Variants in UBR2 observed in about 807,000 individuals in gnomAD.
The protein encoded by UBR2 is ubiquitin protein ligase E3 component n-recognin 2.
UBR2 carries 92 observed loss-of-function variants against 247.9 expected under a neutral mutation model. That is an observed-to-expected ratio of 0.37 (90% CI 0.31 to 0.44). The LOEUF (loss-of-function observed/expected upper bound fraction) is 0.44, where lower values mean the gene tolerates loss of function less well. UBR2 is among the 20% of genes least tolerant of loss of function. The probability of loss-of-function intolerance (pLI) is 1.00; values close to 1 mark genes in which losing one functional copy is unlikely to be tolerated. For missense variants in UBR2, 1,613 were observed against 2,112.6 expected (o/e 0.76, Z 4.64); for synonymous variants, 672 against 693.5 (o/e 0.97, Z 0.49).
intron 36 of UBR2, among the ~76,000 whole-genome samples, chr6:42,671,313 G>A (rs989302266): frequency 1.3e-5 from 2 of 151,846 alleles, no homozygotes; most frequent in Non-Finnish European, 2.9e-5. Context: ...AAGAGGCTGA[G>A]TTGGGAAGAT....
intron 16 of UBR2, among the ~76,000 whole-genome samples, chr6:42,641,266 C>T (rs184355158): frequency 8.3e-4 from 127 of 152,140 alleles, no homozygotes; most frequent in Non-Finnish European, 7.9e-4. Flanking sequence ...GAGTTCAAGA[C>T]CAACCTAGCC....
chr6:42,607,721 T>TG (rs1156885754), intron 7 of UBR2, among the ~76,000 whole-genome samples: 2 of 135,884 alleles, frequency 1.5e-5, no homozygotes, highest in African/African-American at 5.7e-5. Flanking sequence ...TGTTTTTTTT[T>TG]TTTTTTTTTT....
chr6:42,579,958 A>G (rs1378433770), intron 2 of UBR2, among the ~76,000 whole-genome samples: 1 of 152,070 alleles, frequency 6.6e-6, no homozygotes, highest in Non-Finnish European at 1.5e-5. Flanking sequence ...AATCTACCTC[A>G]TTCTTTATAA....
chr6:42,670,720 G>A lies in UBR2; in HGVS notation c.4086+5G>A. The A allele has an allele frequency of 2.5e-6, 4 of 1,607,384 alleles. No individual in the cohort carries two copies. Among genetic ancestry groups the A allele is most frequent in the Non-Finnish European group, 1.7e-6 (2 of 1,177,002 alleles). On this transcript the variant is annotated splice_donor_5th_base_variant and intron_variant, in intron 36 of 46. Transcript: ENST00000372901. ...GGTCCTTTACCTTGCAGACTGGTAA[G>A]TTCTCAGTTTATTCAGTTCATGATA...
chr6:42,617,255 CAG>C (rs971370606), intron 10 of UBR2, 152 bp from the exon 11 acceptor site: 5 of 1,613,942 alleles, frequency 3.1e-6, no homozygotes, highest in Non-Finnish European at 4.2e-6. Context: ...CCAGCAGTTG[CAG>C]AGAGATTTTA....
intron 13 of UBR2, among the ~76,000 whole-genome samples, chr6:42,634,918 ATAGT>A (rs1293846409): frequency 6.6e-6 from 1 of 152,254 alleles, no homozygotes; most frequent in Non-Finnish European, 1.5e-5. Context: ...ACATACTAGA[ATAGT>A]TAGGCTAGTT....
chr6:42,598,818 A>T (rs2151923117), intron 4 of UBR2, among the ~76,000 whole-genome samples: 1 of 152,276 alleles, frequency 6.6e-6, no homozygotes, highest in Middle Eastern at 3.4e-3. Context: ...CTGTGTGAAA[A>T]TTTATGTGAT....
At chr6:42,656,635 G>A (rs1797453669) in intron 26 of UBR2, among the ~76,000 whole-genome samples, 1 of 152,184 alleles carries the variant, frequency 6.6e-6, no homozygotes, top group African/African-American at 2.4e-5. Context: ...TGTGTTCAGT[G>A]CCATTTCTTC....
intron 16 of UBR2, among the ~76,000 whole-genome samples, chr6:42,640,739 TA>T (rs1199551027): frequency 2.0e-5 from 3 of 152,030 alleles, no homozygotes; most frequent in African/African-American, 7.3e-5. Flanking sequence ...TTTTTATTTT[TA>T]TTTTTTTGAG....
chr6:42,607,712 G>GC (rs1554247987), intron 7 of UBR2, among the ~76,000 whole-genome samples: 86 of 50,806 alleles, frequency 1.7e-3, no homozygotes, highest in Non-Finnish European at 2.5e-3. Context: ...ACTCCCAGCT[G>GC]TTTTTTTTTT....
In UBR2 at chr6:42,688,369, A is replaced by T; in HGVS notation, c.5007A>T (p.Gly1669=). Residue 1669 remains glycine (G), a synonymous_variant, in exon 45 of 47, where the codon GGA becomes GGT. Coordinates refer to ENST00000372901, the MANE Select transcript of UBR2 (RefSeq NM_001363705.2). The stretch of plus-strand genomic sequence containing the variant: ...CTCACACCTACTCCTGTGGCTCTGG[A>T]GTGGGCATCTTCCTGAGGTAAGGAC... ...CTAHTYSCGS[G]VGIFLRVREC... The T allele has an allele frequency of 1.2e-6, 2 of 1,613,288 alleles. No homozygotes were observed. The highest frequency in any genetic ancestry group is 1.7e-6 in the Non-Finnish European group (2 of 1,180,026).
intron 11 of UBR2, among the ~76,000 whole-genome samples, chr6:42,626,744 T>G (rs925993910): frequency 6.6e-6 from 1 of 152,198 alleles, no homozygotes; most frequent in Admixed American, 6.5e-5. Flanking sequence ...TATAGGAACT[T>G]GTACACTAAT....
At chr6:42,671,277 G>A (rs1798418900) in intron 36 of UBR2, among the ~76,000 whole-genome samples, 1 of 151,816 alleles carries the variant, frequency 6.6e-6, no homozygotes, top group African/African-American at 2.4e-5. Context: ...TGGTGGCGTG[G>A]CATGTACCTG....
chr6:42,677,137 C>CT (rs1798763152), intron 40 of UBR2, among the ~76,000 whole-genome samples: 3 of 152,248 alleles, frequency 2.0e-5, no homozygotes, highest in African/African-American at 7.2e-5. Context: ...CTGGCAGAGA[C>CT]TAGAGGATAG....
At chr6:42,642,560 G>A in intron 18 of UBR2, 79 bp downstream of exon 18, 1 of 1,225,844 alleles carries the variant, frequency 8.2e-7, no homozygotes, top group South Asian at 1.3e-5. Flanking sequence ...TCAGTCACTT[G>A]TGATCACTCC....
intron 1 of UBR2, among the ~76,000 whole-genome samples, chr6:42,570,378 G>A (rs760757800): frequency 1.3e-5 from 2 of 151,742 alleles, no homozygotes; most frequent in Admixed American, 6.6e-5. Context: ...GATTACAGGC[G>A]TGCACCACCA....
At chr6:42,591,265 G>A (rs1792641836) in intron 2 of UBR2, among the ~76,000 whole-genome samples, 1 of 152,102 alleles carries the variant, frequency 6.6e-6, no homozygotes, top group Non-Finnish European at 1.5e-5. Flanking sequence ...CTGTCACCCA[G>A]GGGATTTCTG....
At chr6:42,594,384 G>T in intron 4 of UBR2, 80 bp downstream of exon 4, 1 of 1,119,916 alleles carries the variant, frequency 8.9e-7, no homozygotes. Context: ...TGTGAGAAAT[G>T]GATAAGCAAA....
intron 4 of UBR2, among the ~76,000 whole-genome samples, chr6:42,600,868 G>C (rs1308894746): frequency 6.6e-6 from 1 of 151,686 alleles, no homozygotes; most frequent in Non-Finnish European, 1.5e-5. Flanking sequence ...TATTGCCCAG[G>C]CTGGTCTCAA....
Sources: allele counts gnomAD v4.1 joint callset (sites outside exome capture counted in the v4.1 genomes callset), GRCh38; gene constraint gnomAD v4.1.1; transcripts MANE v1.5; gene names NCBI Gene and HGNC (gene_info 2026-07-23, HGNC 2026-07-21).